Variants in GALNT13 observed in about 807,000 individuals in gnomAD.
GALNT13 encodes the protein UDP-GalNAc:polypeptide N-acetylgalactosaminyltransferase 13.
GALNT13 carries 28 observed loss-of-function variants against 64.2 expected under a neutral mutation model. The observed-to-expected ratio is 0.44, with a 90% confidence interval of 0.32 to 0.60. The LOEUF (loss-of-function observed/expected upper bound fraction) is 0.60. Among genes scored for constraint, GALNT13 ranks in the 20% least tolerant of loss-of-function variants. The probability of loss-of-function intolerance (pLI) is 0.05; values close to 1 mark genes in which losing one functional copy is unlikely to be tolerated. For missense variants in GALNT13, 577 were observed against 669.8 expected (o/e 0.86, Z 1.53); for synonymous variants, 214 against 224.6 (o/e 0.95, Z 0.42).
At chr2:154,313,813 T>C (rs1279116902) in intron 9 of GALNT13, among the ~76,000 whole-genome samples, 1 of 152,110 alleles carries the variant, frequency 6.6e-6, no homozygotes. Flanking sequence ...CCATGATCAT[T>C]TATATATCTT....
chr2:153,245,158 G>C, the GALNT13 span, among the ~76,000 whole-genome samples: 1 of 152,230 alleles, frequency 6.6e-6, no homozygotes, highest in African/African-American at 2.4e-5. Context: ...TCCTGGGACA[G>C]GGAACCTGGG....
At chr2:153,343,101 A>G in the GALNT13 span, among the ~76,000 whole-genome samples, 1 of 152,208 alleles carries the variant, frequency 6.6e-6, no homozygotes, top group Non-Finnish European at 1.5e-5. Context: ...TATTTGTTGA[A>G]TATAAGTGAT....
intron 8 of GALNT13, among the ~76,000 whole-genome samples, chr2:154,300,811 G>A (rs1363410162): frequency 2.6e-5 from 4 of 152,032 alleles, no homozygotes; most frequent in Admixed American, 6.6e-5. Flanking sequence ...AGTCCTAAAA[G>A]CATGCTTAAA....
chr2:154,305,386 CACAA>C lies in GALNT13; in HGVS notation c.1156+3801_1156+3804del, dbSNP rs989458935. On this transcript the variant is annotated intron_variant, in intron 9 of 12. Coordinates refer to ENST00000392825, the MANE Select transcript of GALNT13 (RefSeq NM_052917.4). ...TCCTTTACTATAATACACATGCACA[CACAA>C]ACACACACACACACACGCGTATTTA... 1.1e-4 allele frequency among the ~76,000 whole-genome samples: 16 copies of C among 152,110 alleles called. No individual in the cohort carries two copies. The East Asian group carries it at 1.2e-3, about 11-fold the overall frequency.
the GALNT13 span, among the ~76,000 whole-genome samples, chr2:153,457,229 T>G: frequency 6.6e-6 from 1 of 152,200 alleles, no homozygotes; most frequent in African/African-American, 2.4e-5. Context: ...GTGTTTTATG[T>G]GGAGGTAATT....
chr2:153,475,575 T>C, the GALNT13 span, among the ~76,000 whole-genome samples: 1 of 152,184 alleles, frequency 6.6e-6, no homozygotes, highest in African/African-American at 2.4e-5. Flanking sequence ...GGACTTTTGT[T>C]TTAAATGAAA....
At chr2:153,491,540 G>A in the GALNT13 span, among the ~76,000 whole-genome samples, 1 of 151,922 alleles carries the variant, frequency 6.6e-6, no homozygotes, top group African/African-American at 2.4e-5. Flanking sequence ...AATGAAGGAA[G>A]AGCCATGCCA....
the GALNT13 span, among the ~76,000 whole-genome samples, chr2:153,171,548 T>C: frequency 6.6e-6 from 1 of 152,150 alleles, no homozygotes; most frequent in Admixed American, 6.5e-5. Flanking sequence ...GAATTTCTAA[T>C]GAAATATATT....
chr2:153,093,364 G>A, the GALNT13 span, among the ~76,000 whole-genome samples: 4 of 150,340 alleles, frequency 2.7e-5, no homozygotes, highest in East Asian at 2.0e-4. Flanking sequence ...TCAGCCTCTC[G>A]AGTAGCTGGG....
chr2:154,047,461 G>GT (rs1699348343), intron 3 of GALNT13, among the ~76,000 whole-genome samples: 1 of 152,126 alleles, frequency 6.6e-6, no homozygotes, highest in Non-Finnish European at 1.5e-5. Flanking sequence ...ATGTGCTATG[G>GT]TTTAAATCCT....
At chr2:154,312,005 G>C (rs968711256) in intron 9 of GALNT13, among the ~76,000 whole-genome samples, 1 of 152,008 alleles carries the variant, frequency 6.6e-6, no homozygotes, top group African/African-American at 2.4e-5. Flanking sequence ...AAACACACAT[G>C]CTGTACAATT....
chr2:153,850,898 A>C, the GALNT13 span, among the ~76,000 whole-genome samples: 1 of 152,182 alleles, frequency 6.6e-6, no homozygotes, highest in African/African-American at 2.4e-5. Flanking sequence ...GATATGTGAG[A>C]CATCTTCAAG....
intron 3 of GALNT13, among the ~76,000 whole-genome samples, chr2:154,054,735 T>G (rs977096661): frequency 6.6e-6 from 1 of 152,014 alleles, no homozygotes; most frequent in Non-Finnish European, 1.5e-5. Flanking sequence ...TTCATTCTAG[T>G]GGCCAAAAGA....
the GALNT13 span, among the ~76,000 whole-genome samples, chr2:153,737,122 G>A: frequency 6.6e-6 from 1 of 152,202 alleles, no homozygotes; most frequent in Non-Finnish European, 1.5e-5. Flanking sequence ...TTTCAAGCAT[G>A]CGTGCCTGGT....
At chr2:153,816,836 C>T in the GALNT13 span, among the ~76,000 whole-genome samples, 1 of 152,130 alleles carries the variant, frequency 6.6e-6, no homozygotes, top group Non-Finnish European at 1.5e-5. Context: ...TAATATGTCA[C>T]ATCTCAGGCC....
the GALNT13 span, among the ~76,000 whole-genome samples, chr2:153,535,799 C>T: frequency 1.3e-5 from 2 of 152,126 alleles, no homozygotes; most frequent in Non-Finnish European, 2.9e-5. Context: ...TCACTGAATA[C>T]TAAGAGCCTG....
In GALNT13 at chr2:154,259,087, C is replaced by T. The variant is rs766532160; in HGVS notation, c.924C>T (p.Tyr308=). ...ACTACTTTGAAGAGATAGGAACTTA[C>T]GATGCAGGAATGGATATCTGGGGTG... ...DRNYFEEIGT[Y]DAGMDIWGGE... is the part of the protein sequence containing the mutation. The change falls in exon 8 of 13, where the codon TAC becomes TAT. Residue 308 remains tyrosine (Y), a synonymous_variant. Transcript: ENST00000392825. 38 of 1,608,002 alleles carry T rather than the reference C, an allele frequency of 2.4e-5. No individual in the cohort carries two copies. The highest frequency in any genetic ancestry group is 2.2e-4 in the South Asian group (20 of 90,340).
At chr2:154,010,205 C>T (rs1256297725) in intron 3 of GALNT13, among the ~76,000 whole-genome samples, 2 of 151,996 alleles carry the variant, frequency 1.3e-5, no homozygotes. Context: ...TTTGCCCATT[C>T]AATATGATGT....
the GALNT13 span, among the ~76,000 whole-genome samples, chr2:153,489,348 A>G: frequency 6.6e-6 from 1 of 152,222 alleles, no homozygotes; most frequent in Non-Finnish European, 1.5e-5. Flanking sequence ...TGTTCTTTAT[A>G]TATTACCCAG....
Sources: gnomAD v4.1 joint callset for allele counts (sites outside exome capture counted in the v4.1 genomes callset) on GRCh38, gnomAD v4.1.1 for gene constraint, MANE v1.5 for transcripts, NCBI Gene and HGNC (gene_info 2026-07-23, HGNC 2026-07-21) for gene names.